OR10J1: variants seen among roughly 807,000 people sequenced by gnomAD.
OR10J1 encodes olfactory receptor 10J1.
For missense variants in OR10J1, 474 were observed against 376.6 expected, an observed-to-expected ratio of 1.26 and a Z score of -2.14; for synonymous variants, 202 against 143.8, an observed-to-expected ratio of 1.40 and a Z score of -2.89.
the OR10J1 span, among the ~76,000 whole-genome samples, chr1:159,410,809 C>T: frequency 6.7e-6 from 1 of 150,258 alleles, no homozygotes; most frequent in East Asian, 2.0e-4. Context: ...AATTTTGGAT[C>T]TTTCCTGCTT....
the OR10J1 span, among the ~76,000 whole-genome samples, chr1:159,407,604 G>C: frequency 6.6e-6 from 1 of 152,028 alleles, no homozygotes; most frequent in Non-Finnish European, 1.5e-5. Flanking sequence ...AAAGACAAAG[G>C]ACAGTAATTA....
At chr1:159,399,647 G>A in the OR10J1 span, among the ~76,000 whole-genome samples, 3 of 150,232 alleles carry the variant, frequency 2.0e-5, no homozygotes, top group South Asian at 2.1e-4. Context: ...ACATTAATGA[G>A]CAATAAATAA....
At chr1:159,402,168 A>G in the OR10J1 span, among the ~76,000 whole-genome samples, 2 of 152,048 alleles carry the variant, frequency 1.3e-5, no homozygotes, top group Non-Finnish European at 2.9e-5. Flanking sequence ...AATGGGGAAA[A>G]ACTGAAAGCC....
the OR10J1 span, among the ~76,000 whole-genome samples, chr1:159,399,245 G>T: frequency 6.6e-6 from 1 of 152,024 alleles, no homozygotes; most frequent in Non-Finnish European, 1.5e-5. Flanking sequence ...ACAAGCCAAA[G>T]CTGAGAGGTT....
the OR10J1 span, among the ~76,000 whole-genome samples, chr1:159,404,335 C>A: frequency 4.1e-4 from 62 of 152,106 alleles, 1 homozygote; most frequent in East Asian, 0.012. Context: ...TTTAGACAAT[C>A]CAGGAATGAA....
chr1:159,397,578 C>A, the OR10J1 span, among the ~76,000 whole-genome samples: 2 of 152,022 alleles, frequency 1.3e-5, no homozygotes, highest in African/African-American at 4.8e-5. Flanking sequence ...CTTAAGAGAT[C>A]TTAGGCCTTA....
the OR10J1 span, among the ~76,000 whole-genome samples, chr1:159,410,294 T>A: frequency 4.6e-5 from 7 of 152,296 alleles, no homozygotes; most frequent in East Asian, 1.4e-3. Context: ...TCCTTGTACC[T>A]CTGGTAGAAT....
the OR10J1 span, among the ~76,000 whole-genome samples, chr1:159,428,766 A>G: frequency 2.0e-5 from 3 of 152,304 alleles, no homozygotes; most frequent in South Asian, 2.1e-4. Flanking sequence ...GGGCCTTAAG[A>G]GAGATTATGT....
At chr1:159,409,442 T>G in the OR10J1 span, among the ~76,000 whole-genome samples, 1 of 129,754 alleles carries the variant, frequency 7.7e-6, no homozygotes, top group Non-Finnish European at 1.5e-5. Context: ...GTCAGAACAT[T>G]GTGCTTTAAG....
In OR10J1 at chr1:159,439,981, A is replaced by G. The variant is rs1023512293; in HGVS notation, c.190A>G (p.Ser64Gly). Reference protein sequence around the residue: ...HLHTPMYFFLSMLSTSETVYT... With the variant: ...HLHTPMYFFLGMLSTSETVYT... Reference sequence around the variant, plus strand: ...TCACACACCCATGTACTTCTTCCTGAGCATGCTGTCCACTTCAGAGACTGT... The same window carrying G: ...TCACACACCCATGTACTTCTTCCTGGGCATGCTGTCCACTTCAGAGACTGT... Residue 64 changes from serine (S) to glycine (G), a missense_variant, in exon 1 of 1, where the codon AGC becomes GGC. Physicochemically the swap from Ser to Gly is moderately conservative, Grantham distance 56. Transcript: ENST00000423932. 1.9e-6 allele frequency: 3 copies of G among 1,614,004 alleles called. No homozygotes were observed. The African/African-American group carries it at 4.0e-5, about 22-fold the overall frequency.
At chr1:159,402,634 A>T in the OR10J1 span, among the ~76,000 whole-genome samples, 2 of 152,076 alleles carry the variant, frequency 1.3e-5, no homozygotes, top group African/African-American at 2.4e-5. Flanking sequence ...AAGGAAAAAG[A>T]TTCCATGTTT....
the OR10J1 span, among the ~76,000 whole-genome samples, chr1:159,412,773 A>T: frequency 6.6e-6 from 1 of 151,806 alleles, no homozygotes; most frequent in African/African-American, 2.4e-5. Context: ...GGACATAGGG[A>T]TGGGCAAGGA....
Position 159,439,993 on chromosome 1 carries a change from A to C in OR10J1, c.202A>C (p.Thr68Pro), listed in dbSNP as rs1441716486. The change falls in exon 1 of 1, where the codon ACT (threonine) becomes CCT (proline). Residue 68 changes from threonine to proline, a missense_variant. Coordinates refer to ENST00000423932, the MANE Select transcript of OR10J1 (RefSeq NM_012351.3). ...GTACTTCTTCCTGAGCATGCTGTCC[A>C]CTTCAGAGACTGTATATACATTGGT... ...PMYFFLSMLS[T>P]SETVYTLVIL... The C allele has an allele frequency of 6.2e-7, 1 of 1,614,154 alleles. No homozygotes were observed. Among genetic ancestry groups the C allele is most frequent in the Non-Finnish European group, 8.5e-7 (1 of 1,180,032 alleles).
upstream of OR10J1, among the ~76,000 whole-genome samples, chr1:159,439,520 T>C (rs1161466591): frequency 1.3e-5 from 2 of 152,088 alleles, no homozygotes; most frequent in African/African-American, 4.8e-5. Context: ...GAAGAGTAGA[T>C]ATGAAGTAGG....
the OR10J1 span, among the ~76,000 whole-genome samples, chr1:159,401,379 G>A: frequency 6.6e-6 from 1 of 151,822 alleles, no homozygotes; most frequent in African/African-American, 2.4e-5. Context: ...AAAAAATAGA[G>A]AAGCTCTAAA....
upstream of OR10J1, among the ~76,000 whole-genome samples, chr1:159,437,652 G>A (rs1367834242): frequency 2.0e-5 from 3 of 151,876 alleles, no homozygotes; most frequent in East Asian, 3.9e-4. Flanking sequence ...TTGAGTAAAT[G>A]AGCCCTATAC....
At chr1:159,433,217 T>A, upstream of OR10J1, 1 of 397,212 alleles carries the variant, frequency 2.5e-6, no homozygotes, top group Admixed American at 4.4e-5. Flanking sequence ...AGATGAGAGA[T>A]ACTGTGAAAG....
Position 159,440,809 on chromosome 1 carries a change from G to T in OR10J1, c.*88G>T. ...AACTCACAAACACTTGGCTCCTAGAGACCTGCCCCTTAAATAAGAGGCAAA... is the reference window on the plus strand; with the variant it reads ...AACTCACAAACACTTGGCTCCTAGATACCTGCCCCTTAAATAAGAGGCAAA... On this transcript the variant is annotated 3_prime_UTR_variant, in exon 1 of 1. Transcript: ENST00000423932. 7.2e-7 allele frequency: 1 copy of T among 1,394,274 alleles called. No individual in the cohort carries two copies. The highest frequency in any genetic ancestry group is 1.4e-5 in the South Asian group (1 of 69,766). The allele number at this position is 1,394,274 out of a possible 1,614,324, so 86.4% of individuals were successfully genotyped here.
chr1:159,398,577 T>A, the OR10J1 span, among the ~76,000 whole-genome samples: 1 of 152,054 alleles, frequency 6.6e-6, no homozygotes, highest in Non-Finnish European at 1.5e-5. Flanking sequence ...TTTTAAGAAA[T>A]CAAGCAGAAA....
Sources: gnomAD v4.1 joint callset for allele counts (sites outside exome capture counted in the v4.1 genomes callset) on GRCh38, gnomAD v4.1.1 for gene constraint, MANE v1.5 for transcripts, NCBI Gene and HGNC (gene_info 2026-07-23, HGNC 2026-07-21) for gene names.